MED13L: variants seen among roughly 807,000 people sequenced by gnomAD.
MED13L encodes mediator complex subunit 13L.
Under a neutral mutation model 220.9 loss-of-function variants are expected in MED13L, and 7 were observed. The ratio of observed to expected loss-of-function variants is 0.03; its 90% CI spans 0.02 to 0.06. The LOEUF (loss-of-function observed/expected upper bound fraction) is 0.06. MED13L is among the 10% of genes least tolerant of loss of function. MED13L has a pLI of 1.00. For synonymous variants in MED13L, 1,011 were observed against 1,015.2 expected (o/e 1.00, Z 0.08); for missense variants, 1,965 against 2,760.5 (o/e 0.71, Z 6.46).
At position 115,960,644 on chromosome 12, in the gene MED13L, T is replaced by C. The variant is rs543553874; in HGVS notation, c.*622A>G. 1 of 158,578 alleles carries C rather than the reference T, an allele frequency of 6.3e-6. No individual in the cohort carries two copies. Among genetic ancestry groups the C allele is most frequent in the South Asian group, 1.8e-4 (1 of 5,632 alleles). The allele number at this position is 158,578 out of a possible 1,614,324, so 9.8% of individuals were successfully genotyped here. ...AAAAAATAAAGTCACAAAAACCATATGACAAAACAAATTAAAATAAATAAA... is the reference window on the plus strand; with the variant it reads ...AAAAAATAAAGTCACAAAAACCATACGACAAAACAAATTAAAATAAATAAA... On this transcript the variant is annotated 3_prime_UTR_variant, in exon 31 of 31. Transcript: ENST00000281928.
At chr12:116,122,129 TC>T (rs1479061261) in intron 2 of MED13L, among the ~76,000 whole-genome samples, 25 of 152,120 alleles carry the variant, frequency 1.6e-4, no homozygotes, top group African/African-American at 5.8e-4. Context: ...AATTATTAAA[TC>T]TACTTCCAAA....
intron 3 of MED13L, among the ~76,000 whole-genome samples, chr12:116,107,856 C>T (rs1873712062): frequency 6.6e-6 from 1 of 152,168 alleles, no homozygotes; most frequent in Non-Finnish European, 1.5e-5. Flanking sequence ...CTTTGGGAGG[C>T]CAAGGCGGGT....
chr12:116,266,049 T>C (rs1872807585), intron 1 of MED13L, among the ~76,000 whole-genome samples: 2 of 152,244 alleles, frequency 1.3e-5, no homozygotes, highest in Admixed American at 1.3e-4. Flanking sequence ...CTAGCCCTTT[T>C]GTTAACCCAA....
rs760837237 is a variant in MED13L at position 115,966,252 on chromosome 12, C to G, written c.6226-9G>C. On this transcript the variant is annotated splice_polypyrimidine_tract_variant and intron_variant, in intron 28 of 30. Coordinates refer to ENST00000281928, the MANE Select transcript of MED13L (RefSeq NM_015335.5). ...AGACGCTCACCCTGGCTCTGAAAAA[C>G]AAAAATCCCAAAAACATGATCAGCA... 5 of 1,613,900 alleles carry G rather than the reference C, an allele frequency of 3.1e-6. No homozygotes were observed. The highest frequency in any genetic ancestry group is 3.4e-6 in the Non-Finnish European group (4 of 1,179,928).
chr12:116,127,675 C>T (rs759633934), intron 2 of MED13L, among the ~76,000 whole-genome samples: 12 of 152,134 alleles, frequency 7.9e-5, no homozygotes, highest in South Asian at 2.1e-4. Context: ...ATTGTCATCC[C>T]GTTTCTTTTA....
intron 2 of MED13L, among the ~76,000 whole-genome samples, chr12:116,198,776 T>C (rs2138299057): frequency 1.3e-5 from 2 of 152,186 alleles, no homozygotes; most frequent in East Asian, 3.9e-4. Flanking sequence ...CTCCACATAG[T>C]AAGCATGCAA....
intron 2 of MED13L, 106 bp from the exon 3 acceptor site, chr12:116,111,618 T>C: frequency 1.3e-6 from 1 of 787,694 alleles, no homozygotes; most frequent in Non-Finnish European, 2.0e-6. Context: ...TGAGTTAATT[T>C]AAATGACTTA....
chr12:116,050,451 A>G (rs1177040742), intron 4 of MED13L, among the ~76,000 whole-genome samples: 1 of 152,208 alleles, frequency 6.6e-6, no homozygotes, highest in Non-Finnish European at 1.5e-5. Context: ...AACACCACTG[A>G]GACACTCTAA....
At position 115,958,866 on chromosome 12, in the gene MED13L, G is replaced by A. The variant is rs976686529; in HGVS notation, c.*2400C>T. On this transcript the variant is annotated 3_prime_UTR_variant, in exon 31 of 31. Transcript: ENST00000281928. ...ATTCAGAACTTCCCAGAAATGTACA[G>A]CTTTTACATTTAAAAAAGGTTCTGA... is the stretch of plus-strand genomic sequence containing the variant. 1 of 152,488 alleles carries A rather than the reference G, an allele frequency of 6.6e-6. No homozygotes were observed. The highest frequency in any genetic ancestry group is 1.5e-5 in the Non-Finnish European group (1 of 68,016). The allele number at this position is 152,488 out of a possible 1,614,324, so 9.4% of individuals were successfully genotyped here.
Position 116,051,717 on chromosome 12 carries a change from C to T in MED13L, c.480-29116G>A, listed in dbSNP as rs554241393. On this transcript the variant is annotated intron_variant, in intron 4 of 30. Transcript: ENST00000281928. Reference sequence around the variant, plus strand: ...CACACAAATCCTGAAGGTAATTTTGCACAATATGTTAAATAATTTTGTCTG... The same window carrying T: ...CACACAAATCCTGAAGGTAATTTTGTACAATATGTTAAATAATTTTGTCTG... 3.1e-3 allele frequency among the ~76,000 whole-genome samples: 472 copies of T among 152,198 alleles called. 2 individuals carry two copies. The highest frequency in any genetic ancestry group is 0.014 in the Middle Eastern group (4 of 294).
At chr12:116,156,404 A>C (rs1466321791) in intron 2 of MED13L, among the ~76,000 whole-genome samples, 59 of 73,978 alleles carry the variant, frequency 8.0e-4, no homozygotes, top group African/African-American at 5.6e-3. Context: ...CAATTACTTA[A>C]AAAAAAAAAA....
chr12:116,067,241 A>C (rs1478765080), intron 4 of MED13L, among the ~76,000 whole-genome samples: 3 of 152,228 alleles, frequency 2.0e-5, no homozygotes, highest in African/African-American at 7.2e-5. Flanking sequence ...CTAATTTTCT[A>C]TGTGTACCTC....
intron 2 of MED13L, among the ~76,000 whole-genome samples, chr12:116,125,950 A>C (rs551499132): frequency 1.5e-4 from 23 of 152,324 alleles, no homozygotes; most frequent in African/African-American, 5.3e-4. Flanking sequence ...TCAACTTTTA[A>C]AAGACAGAAT....
At chr12:116,117,291 A>T (rs911484819) in intron 2 of MED13L, among the ~76,000 whole-genome samples, 1 of 152,182 alleles carries the variant, frequency 6.6e-6, no homozygotes, top group African/African-American at 2.4e-5. Flanking sequence ...GTGGTGAGAC[A>T]GGTTGATACC....
chr12:116,184,110 T>C (rs908069027), intron 2 of MED13L, among the ~76,000 whole-genome samples: 1 of 152,132 alleles, frequency 6.6e-6, no homozygotes, highest in Non-Finnish European at 1.5e-5. Flanking sequence ...TAAACAAACA[T>C]GAGGTTTCAA....
In MED13L at chr12:116,262,716, T is replaced by C. The variant is rs1311719913; in HGVS notation, c.72+14344A>G. Among the ~76,000 whole-genome samples, 5 of 152,322 alleles carry C rather than the reference T, an allele frequency of 3.3e-5. No individual in the cohort carries two copies. In the East Asian group the frequency reaches 9.6e-4, roughly 29 times the overall value. On this transcript the variant is annotated intron_variant, in intron 1 of 30. Transcript: ENST00000281928. Reference sequence around the variant, plus strand: ...TATACAATTTACTAAAGTCAGCTTATTAGCTTATATATAACAAACTATGGA... The same window carrying C: ...TATACAATTTACTAAAGTCAGCTTACTAGCTTATATATAACAAACTATGGA...
intron 2 of MED13L, among the ~76,000 whole-genome samples, chr12:116,137,307 A>T (rs1158433635): frequency 6.6e-6 from 1 of 152,214 alleles, no homozygotes; most frequent in African/African-American, 2.4e-5. Flanking sequence ...ACTCAGTGAT[A>T]ATTTGTGTTC....
intron 4 of MED13L, among the ~76,000 whole-genome samples, chr12:116,076,640 T>A (rs1870826803): frequency 6.6e-6 from 1 of 152,124 alleles, no homozygotes; most frequent in Non-Finnish European, 1.5e-5. Flanking sequence ...CAAGAGCAAT[T>A]GGGAGAAGTT....
chr12:116,011,765 A>G (rs1344111541), intron 9 of MED13L, among the ~76,000 whole-genome samples: 3 of 152,242 alleles, frequency 2.0e-5, no homozygotes, highest in Non-Finnish European at 4.4e-5. Context: ...AATGAGTTTC[A>G]TTAGGCTTAT....
Sources: allele counts gnomAD v4.1 joint callset (sites outside exome capture counted in the v4.1 genomes callset), GRCh38; gene constraint gnomAD v4.1.1; transcripts MANE v1.5; gene names NCBI Gene and HGNC (gene_info 2026-07-23, HGNC 2026-07-21).